Variants in RPL28 observed in about 807,000 individuals in gnomAD.
The protein encoded by RPL28 is large ribosomal subunit protein eL28.
Under a neutral mutation model 12.5 loss-of-function variants are expected in RPL28, and 4 were observed. The ratio of observed to expected loss-of-function variants is 0.32; its 90% confidence interval spans 0.16 to 0.73. The LOEUF (loss-of-function observed/expected upper bound fraction) is 0.73, where lower values mean the gene tolerates loss of function less well. Ranked by LOEUF, RPL28 falls within the 30% of genes least tolerant of loss-of-function variation. RPL28 has a pLI of 0.66. For missense variants in RPL28, 214 were observed against 197.7 expected (o/e 1.08, Z -0.49); for synonymous variants, 91 against 72.5 (o/e 1.26, Z -1.30).
chr19:55,400,143 A>G (rs2090046436), intron 4 of RPL28: 1 of 152,130 alleles, frequency 6.6e-6, no homozygotes, highest in Non-Finnish European at 1.5e-5. Flanking sequence ...GCAGCCTTTG[A>G]GTTTTCCACT....
In RPL28 at chr19:55,389,392, C is replaced by T. The variant is rs964952356; in HGVS notation, c.*1060C>T. On this transcript the variant is annotated 3_prime_UTR_variant, in exon 5 of 5. Transcript: ENST00000344063. ...ATGGGGAAAGAGTCCTGCTGTTGAT[C>T]CTCACATGTTTCCTGGGCACCTAAC... 12 of 985,274 alleles carry T rather than the reference C, an allele frequency of 1.2e-5. No homozygotes were observed. In the African/African-American group the frequency reaches 2.1e-4, roughly 17 times the overall value. 61.0% of individuals were successfully genotyped at this position (985,274 alleles called of 1,614,324 possible).
intron 3 of RPL28, 139 bp from the exon 4 acceptor site, chr19:55,387,791 C>T: frequency 6.8e-7 from 1 of 1,464,754 alleles, no homozygotes; most frequent in Middle Eastern, 2.6e-4. Context: ...GGGAAAACAG[C>T]TACCTGCTGG....
rs1600305474 is a variant in RPL28, at chr19:55,389,655, C to G, written c.*1323C>G. Reference sequence around the variant, plus strand: ...CCTTCCGACCTCAGTCCTGTCTGCTCCAGTCTTGCCCAGCTCGAAGGAGAG... The same window carrying G: ...CCTTCCGACCTCAGTCCTGTCTGCTGCAGTCTTGCCCAGCTCGAAGGAGAG... On this transcript the variant is annotated 3_prime_UTR_variant, in exon 5 of 5. Transcript: ENST00000344063. 4.1e-6 allele frequency: 4 copies of G among 985,436 alleles called. No individual in the cohort carries two copies. The highest frequency in any genetic ancestry group is 4.8e-6 in the Non-Finnish European group (4 of 829,998). 61.0% of individuals were successfully genotyped at this position (985,436 alleles called of 1,614,324 possible). A position where few individuals can be genotyped will look rare whatever the true frequency, so the allele number is the denominator to read the frequency against.
chr19:55,390,644 CT>C lies in RPL28; in HGVS notation c.*2313del, dbSNP rs757849408. ...AATCCTCCCTGCTGTGTGGCCTCCC[CT>C]GGTCTCATCCGTAACACAGCCCAGC... On this transcript the variant is annotated 3_prime_UTR_variant, in exon 5 of 5. Coordinates refer to ENST00000344063, the MANE Select transcript of RPL28 (RefSeq NM_000991.5). The C allele has an allele frequency of 1.0e-6, 1 of 985,594 alleles. No homozygotes were observed. The highest frequency in any genetic ancestry group is 1.2e-6 in the Non-Finnish European group (1 of 830,028). 61.1% of individuals were successfully genotyped at this position (985,594 alleles called of 1,614,324 possible).
Position 55,401,781 on chromosome 19 carries a change from G to C in RPL28, c.325-1162G>C, listed in dbSNP as rs1393656059. On this transcript the variant is annotated intron_variant, in intron 4 of 4. Transcript: ENST00000560055. Reference sequence around the variant, plus strand: ...TGATGGTCTGTGGGAAGAGGCTCAGGGTCACAGTGGGTCGGGCAACCTACA... The same window carrying C: ...TGATGGTCTGTGGGAAGAGGCTCAGCGTCACAGTGGGTCGGGCAACCTACA... 2.5e-6 allele frequency: 4 copies of C among 1,612,506 alleles called. No individual in the cohort carries two copies. The African/African-American group carries it at 4.0e-5, about 16-fold the overall frequency.
At chr19:55,403,318 G>A (rs962338920), downstream of RPL28, 9 of 543,602 alleles carry the variant, frequency 1.7e-5, no homozygotes, top group Middle Eastern at 4.9e-4. Context: ...CCCCATCTCT[G>A]CAAACCATAA....
chr19:55,403,247 A>G (rs906948243), exon 5 of RPL28: 28 of 586,322 alleles, frequency 4.8e-5, no homozygotes, highest in Non-Finnish European at 7.3e-5. Context: ...TGAACTGTAT[A>G]CTTTGGAACT....
exon 5 of RPL28, chr19:55,402,945 T>G (rs1189606565): frequency 1.8e-5 from 28 of 1,524,128 alleles, no homozygotes; most frequent in Non-Finnish European, 2.2e-5. Flanking sequence ...TTTTTCAGCT[T>G]GCGGGAAGGG....
At chr19:55,387,631 T>A (rs556896900) in intron 3 of RPL28, 2 of 1,397,070 alleles carry the variant, frequency 1.4e-6, no homozygotes, top group Admixed American at 3.2e-5. Context: ...GGGCTCTGGC[T>A]GGACCTGGAT....
chr19:55,400,242 C>CT (rs2090047137), intron 4 of RPL28: 1 of 152,230 alleles, frequency 6.6e-6, no homozygotes, highest in Non-Finnish European at 1.5e-5. Flanking sequence ...CCACGTTCGT[C>CT]TTTAACTCCT....
In RPL28 at chr19:55,391,247, G is replaced by T; in HGVS notation, c.*2915G>T. 1 of 308,076 alleles carries T rather than the reference G, an allele frequency of 3.2e-6. No individual in the cohort carries two copies. The highest frequency in any genetic ancestry group is 5.4e-6 in the Non-Finnish European group (1 of 184,178). 19.1% of individuals were successfully genotyped at this position (308,076 alleles called of 1,614,324 possible). On this transcript the variant is annotated 3_prime_UTR_variant, in exon 5 of 5. Coordinates refer to ENST00000344063, the MANE Select transcript of RPL28 (RefSeq NM_000991.5). ...GTTCACGGAAGCCAGGAATCAAACT[G>T]CCTGGGTTCCAGTCCCAGCTCTGCC...
In RPL28 at chr19:55,391,815, C is replaced by T; in HGVS notation, c.*3483C>T. The T allele has an allele frequency of 7.1e-7, 1 of 1,417,646 alleles. No individual in the cohort carries two copies. Among genetic ancestry groups the T allele is most frequent in the Non-Finnish European group, 9.3e-7 (1 of 1,072,046 alleles). 87.8% of individuals were successfully genotyped at this position (1,417,646 alleles called of 1,614,324 possible). A position where few individuals can be genotyped will look rare whatever the true frequency, so the allele number is the denominator to read the frequency against. On this transcript the variant is annotated 3_prime_UTR_variant, in exon 5 of 5. Coordinates refer to ENST00000344063, the MANE Select transcript of RPL28 (RefSeq NM_000991.5). ...CATGATCACAGATGTCTTCACATGC[C>T]TATGACTAATTTGTACACAAACTAA...
In RPL28 at chr19:55,389,700, G is replaced by T. The variant is rs979641919; in HGVS notation, c.*1368G>T. 1 of 985,478 alleles carries T rather than the reference G, an allele frequency of 1.0e-6. No individual in the cohort carries two copies. The highest frequency in any genetic ancestry group is 1.2e-6 in the Non-Finnish European group (1 of 830,012). 61.0% of individuals were successfully genotyped at this position (985,478 alleles called of 1,614,324 possible). Reference sequence around the variant, plus strand: ...GGAGAGCAGATCTGACCACTTGCCAGCCCCTGTCTGCTGTGAATTACCATT... The same window carrying T: ...GGAGAGCAGATCTGACCACTTGCCATCCCCTGTCTGCTGTGAATTACCATT... On this transcript the variant is annotated 3_prime_UTR_variant, in exon 5 of 5. Transcript: ENST00000344063.
At chr19:55,400,116 A>C (rs2090046342) in intron 4 of RPL28, 1 of 152,128 alleles carries the variant, frequency 6.6e-6, no homozygotes, top group Non-Finnish European at 1.5e-5. Context: ...GAATAGGCAA[A>C]TTCTTTCAGG....
At chr19:55,401,894 T>C in intron 4 of RPL28, 1 of 889,648 alleles carries the variant, frequency 1.1e-6, no homozygotes, top group East Asian at 2.6e-5. Flanking sequence ...GCCCCACCTA[T>C]GCTGCATCCT....
downstream of RPL28, among the ~76,000 whole-genome samples, chr19:55,393,251 C>A (rs1023096363): frequency 3.2e-5 from 4 of 123,962 alleles, no homozygotes; most frequent in East Asian, 5.4e-4. Flanking sequence ...CGCACCCCCC[C>A]CCCCCCCCGA....
downstream of RPL28, among the ~76,000 whole-genome samples, chr19:55,396,481 C>CT (rs1339803735): frequency 7.6e-5 from 1 of 13,164 alleles, no homozygotes; most frequent in Non-Finnish European, 1.3e-4. Flanking sequence ...AAGTTCTCCC[C>CT]CCTCCCCTCC....
chr19:55,393,979 T>C (rs1343757639), downstream of RPL28, among the ~76,000 whole-genome samples: 1 of 149,726 alleles, frequency 6.7e-6, no homozygotes, highest in African/African-American at 2.4e-5. Context: ...GGACAGGGTC[T>C]CAGCTGGGTA....
rs112979537 is a variant in RPL28, at chr19:55,391,591, C to T, written c.*3259C>T. ...TCTACTGGGTCAGGGCTCTGCTGCT[C>T]GGTGGCTGTGCAACCTTGGGCAAGT... is the stretch of plus-strand genomic sequence containing the variant. On this transcript the variant is annotated 3_prime_UTR_variant, in exon 5 of 5. Transcript: ENST00000344063. 17 of 1,548,524 alleles carry T rather than the reference C, an allele frequency of 1.1e-5. No individual in the cohort carries two copies. Among genetic ancestry groups the T allele is most frequent in the South Asian group, 1.1e-4 (9 of 83,960 alleles).
Sources: allele counts gnomAD v4.1 joint callset (sites outside exome capture counted in the v4.1 genomes callset), GRCh38; gene constraint gnomAD v4.1.1; transcripts MANE v1.5; gene names NCBI Gene and HGNC (gene_info 2026-07-23, HGNC 2026-07-21).